NBPF19: variants seen among roughly 807,000 people sequenced by gnomAD.
NBPF19 encodes NBPF member 19, also known as NBPF family member NBPF19.
A neutral mutation model predicts 45.9 loss-of-function variants in NBPF19; 30 were observed. The ratio of observed to expected loss-of-function variants is 0.65; its 90% CI spans 0.49 to 0.89. NBPF19 has a LOEUF of 0.89. Ranked by LOEUF, NBPF19 falls within the 40% of genes least tolerant of loss-of-function variation. The pLI is 0.00. For synonymous variants in NBPF19, 183 were observed against 181.2 expected (o/e 1.01, Z -0.08); for missense variants, 495 against 471.8 (o/e 1.05, Z -0.46).
rs2087209450 is a variant in NBPF19 at position 149,554,867 on chromosome 1, C to T, written c.*129C>T. ...ATGGGTCAGTGGGCATGGCTCTTTT[C>T]CTATTCTCAAACCATGCCAGTGGCA... On this transcript the variant is annotated 3_prime_UTR_variant, in exon 94 of 94. Transcript: ENST00000651566. 1 of 1,508,988 alleles carries T rather than the reference C, an allele frequency of 6.6e-7. No individual in the cohort carries two copies. Among genetic ancestry groups the T allele is most frequent in the Non-Finnish European group, 9.0e-7 (1 of 1,110,958 alleles). 93.5% of individuals were successfully genotyped at this position (1,508,988 alleles called of 1,614,324 possible). A position where few individuals can be genotyped will look rare whatever the true frequency, so the allele number is the denominator to read the frequency against.
At chr1:149,554,381 G>A (rs1215324583) in intron 93 of NBPF19, 114 bp from the exon 94 acceptor site, 12 of 1,586,010 alleles carry the variant, frequency 7.6e-6, no homozygotes, top group Non-Finnish European at 1.0e-5. Flanking sequence ...CCTCATTAAT[G>A]GATCTATCCT....
Position 149,554,929 on chromosome 1 carries a change from G to T in NBPF19, c.*191G>T. The stretch of plus-strand genomic sequence containing the variant: ...GTCTGAAGACAATGGACCCACGTTA[G>T]GTGTGACACGTTCACATAACTGTGC... On this transcript the variant is annotated 3_prime_UTR_variant, in exon 94 of 94. Coordinates refer to ENST00000651566, the MANE Select transcript of NBPF19 (RefSeq NM_001351365.2). 2.1e-6 allele frequency: 2 copies of T among 972,712 alleles called. No homozygotes were observed. The highest frequency in any genetic ancestry group is 2.5e-5 in the East Asian group (1 of 40,714). 60.3% of individuals were successfully genotyped at this position (972,712 alleles called of 1,614,324 possible). A position where few individuals can be genotyped will look rare whatever the true frequency, so the allele number is the denominator to read the frequency against.
Position 149,554,590 on chromosome 1 carries a change from C to G in NBPF19, c.11384C>G (p.Pro3795Arg). 1.2e-6 allele frequency: 2 copies of G among 1,608,306 alleles called. No homozygotes were observed. The highest frequency in any genetic ancestry group is 2.2e-5 in the East Asian group (1 of 44,846). Residue 3795 changes from proline (P) to arginine (R), a missense_variant, in exon 94 of 94, where the codon CCT (proline) becomes CGT (arginine). Physicochemically the swap from Pro to Arg is moderately radical, Grantham distance 103. This residue lies in a region of NBPF19 where 248 missense variants were observed against 95.4 expected (regional missense o/e 2.60). Transcript: ENST00000651566. ...ACTCCGTCAATGTACTTTGAACTAC[C>G]TGACTCATTCCAGCACTACAGAAGT... is the stretch of plus-strand genomic sequence containing the variant. ...YSTPSMYFEL[P>R]DSFQHYRSVF...
intron 9 of NBPF19, among the ~76,000 whole-genome samples, chr1:149,487,680 T>A (rs1329832662): frequency 6.7e-6 from 1 of 150,248 alleles, no homozygotes; most frequent in Non-Finnish European, 1.5e-5. Flanking sequence ...ATGCTTTTCA[T>A]GATCACTGTT....
Position 149,554,939 on chromosome 1 carries a change from G to A in NBPF19, c.*201G>A, listed in dbSNP as rs1294484601. The A allele has an allele frequency of 9.2e-3, 8,271 of 895,810 alleles. 202 individuals are homozygous for A. Among genetic ancestry groups the A allele is most frequent in the Non-Finnish European group, 0.011 (6,721 of 586,378 alleles). The allele number at this position is 895,810 out of a possible 1,614,324, so 55.5% of individuals were successfully genotyped here. ...AATGGACCCACGTTAGGTGTGACAC[G>A]TTCACATAACTGTGCAGCACATGCC... On this transcript the variant is annotated 3_prime_UTR_variant, in exon 94 of 94. Transcript: ENST00000651566.
chr1:149,554,553 G>T lies in NBPF19; in HGVS notation c.11347G>T (p.Gly3783Ter), dbSNP rs1455325732. 6.2e-7 allele frequency: 1 copy of T among 1,607,634 alleles called. No individual in the cohort carries two copies. The highest frequency in any genetic ancestry group is 8.5e-7 in the Non-Finnish European group (1 of 1,176,612). ...TGAAGTCTTACAGGACTCACTGGAT[G>T]GATGTTATTCGACTCCGTCAATGTA... ...EPEVLQDSLDGCYSTPSMYFE... is the reference protein window; with the variant it reads ...EPEVLQDSLD The change falls in exon 94 of 94, where the codon GGA becomes TGA. Residue 3783 changes from glycine to a stop codon, truncating the protein, a stop_gained. Transcript: ENST00000651566. LOFTEE classifies it low-confidence loss of function (END_TRUNC).
In NBPF19 at chr1:149,554,470, T is replaced by A. The variant is rs1188012036; in HGVS notation, c.11289-25T>A. Reference sequence around the variant, plus strand: ...TGGTGTCTGATTTTCCCTGGCTGCTTCTTTAGTTTTGTCTCCTTTTCCAGG... The same window carrying A: ...TGGTGTCTGATTTTCCCTGGCTGCTACTTTAGTTTTGTCTCCTTTTCCAGG... On this transcript the variant is annotated intron_variant, in intron 93 of 93. Transcript: ENST00000651566. 4.4e-6 allele frequency: 7 copies of A among 1,608,014 alleles called. No homozygotes were observed. The African/African-American group carries it at 6.7e-5, about 15-fold the overall frequency.
chr1:149,480,303 CA>C, intron 5 of NBPF19, 89 bp downstream of exon 5: 11 of 647,550 alleles, frequency 1.7e-5, no homozygotes, highest in Middle Eastern at 4.2e-4. Context: ...TATGATGGGC[CA>C]AAAACCCGCA....
chr1:149,488,027 T>G lies in NBPF19; in HGVS notation c.1055T>G (p.Leu352Arg), dbSNP rs2085722159. The change falls in exon 10 of 94, where the codon CTG (leucine) becomes CGG (arginine). Residue 352 changes from leucine to arginine, a missense_variant. Transcript: ENST00000651566. ...EATGPRLSRE[L>R]LDEKGPEVLQ... is the part of the protein sequence containing the mutation. ...CACTTTTCCAGGCTCAGCAGGGAGCTGCTGGATGAGAAAGGGCCTGAAGTC... is the reference window on the plus strand; with the variant it reads ...CACTTTTCCAGGCTCAGCAGGGAGCGGCTGGATGAGAAAGGGCCTGAAGTC... 3 of 688,320 alleles carry G rather than the reference T, an allele frequency of 4.4e-6. No individual in the cohort carries two copies. In the South Asian group the frequency reaches 4.7e-5, roughly 11 times the overall value. The allele number at this position is 688,320 out of a possible 1,614,324, so 42.6% of individuals were successfully genotyped here.
At position 149,554,578 on chromosome 1, in the gene NBPF19, A is replaced by C. The variant is rs1354216106; in HGVS notation, c.11372A>C (p.Tyr3791Ser). 7 of 1,608,206 alleles carry C rather than the reference A, an allele frequency of 4.4e-6. No individual in the cohort carries two copies. In the South Asian group the frequency reaches 6.6e-5, roughly 15 times the overall value. The change falls in exon 94 of 94, where the codon TAC becomes TCC. Residue 3791 changes from tyrosine (Y) to serine (S), a missense_variant. Physicochemically the swap from Tyr to Ser is moderately radical, Grantham distance 144. This residue lies in a region of NBPF19 where 248 missense variants were observed against 95.4 expected (regional missense o/e 2.60). Transcript: ENST00000651566. ...LDGCYSTPSMYFELPDSFQHY... is the reference protein window; with the variant it reads ...LDGCYSTPSMSFELPDSFQHY... ...GGATGTTATTCGACTCCGTCAATGT[A>C]CTTTGAACTACCTGACTCATTCCAG...
chr1:149,487,178 A>T (rs1340709165), intron 8 of NBPF19, among the ~76,000 whole-genome samples, 154 bp from the exon 9 acceptor site: 1 of 151,202 alleles, frequency 6.6e-6, no homozygotes, highest in African/African-American at 2.4e-5. Context: ...AGTTTTCTCA[A>T]GACTTGACCT....
At chr1:149,486,541 T>C (rs2085514932) in intron 8 of NBPF19, among the ~76,000 whole-genome samples, 1 of 151,466 alleles carries the variant, frequency 6.6e-6, no homozygotes, top group Admixed American at 6.6e-5. Context: ...TGTCACGACA[T>C]TGAACTCAAG....
Position 149,475,117 on chromosome 1 carries a change from A to C in NBPF19, c.-714A>C, listed in dbSNP as rs1405397524. ...TAATGAAAACCCAAGAAGGTGCCCCAGTAAGAAAGAGGAAATCAATCTAAC... is the reference window on the plus strand; with the variant it reads ...TAATGAAAACCCAAGAAGGTGCCCCCGTAAGAAAGAGGAAATCAATCTAAC... On this transcript the variant is annotated 5_prime_UTR_variant, in exon 1 of 94. Coordinates refer to ENST00000651566, the MANE Select transcript of NBPF19 (RefSeq NM_001351365.2). Among the ~76,000 whole-genome samples, 1 of 146,324 alleles carries C rather than the reference A, an allele frequency of 6.8e-6. No homozygotes were observed. The highest frequency in any genetic ancestry group is 2.5e-5 in the African/African-American group (1 of 39,838).
At chr1:149,538,431 C>T (rs2087040870) in intron 73 of NBPF19, among the ~76,000 whole-genome samples, 1 of 22,950 alleles carries the variant, frequency 4.4e-5, no homozygotes, top group African/African-American at 1.1e-4. Context: ...TTCTCTCTCT[C>T]TCTCTGTGTG....
intron 73 of NBPF19, among the ~76,000 whole-genome samples, 170 bp from the exon 74 acceptor site, chr1:149,538,506 C>G (rs1319662162): frequency 4.8e-5 from 1 of 20,646 alleles, no homozygotes; most frequent in Non-Finnish European, 1.3e-4. Context: ...TCATTCTTTT[C>G]CATTTGGCCC....
chr1:149,479,142 A>T, intron 4 of NBPF19, 48 bp downstream of exon 4: 1 of 1,535,764 alleles, frequency 6.5e-7, no homozygotes, highest in East Asian at 2.3e-5. Flanking sequence ...GGCTTATGAG[A>T]GGCTCCAGAC....
chr1:149,528,975 G>C (rs1267826276), intron 61 of NBPF19, among the ~76,000 whole-genome samples, 199 bp from the exon 62 acceptor site: 4 of 131,284 alleles, frequency 3.0e-5, no homozygotes, highest in Admixed American at 1.5e-4. Flanking sequence ...GTGTGTGTGT[G>C]TCTATCTGTC....
At position 149,554,952 on chromosome 1, in the gene NBPF19, T is replaced by C. The variant is rs1165062342; in HGVS notation, c.*214T>C. ...TAGGTGTGACACGTTCACATAACTG[T>C]GCAGCACATGCCGGGAGTGATCAGT... On this transcript the variant is annotated 3_prime_UTR_variant, in exon 94 of 94. Coordinates refer to ENST00000651566, the MANE Select transcript of NBPF19 (RefSeq NM_001351365.2). 3 of 808,468 alleles carry C rather than the reference T, an allele frequency of 3.7e-6. No individual in the cohort carries two copies. The highest frequency in any genetic ancestry group is 3.9e-6 in the Non-Finnish European group (2 of 514,782). 50.1% of individuals were successfully genotyped at this position (808,468 alleles called of 1,614,324 possible). A position where few individuals can be genotyped will look rare whatever the true frequency, so the allele number is the denominator to read the frequency against.
At chr1:149,477,704 G>A (rs2084926150) in intron 2 of NBPF19, among the ~76,000 whole-genome samples, 1 of 151,224 alleles carries the variant, frequency 6.6e-6, no homozygotes, top group Non-Finnish European at 1.5e-5. Context: ...CGTTGTGGTT[G>A]AATCATCTTG....
Sources: gnomAD v4.1 joint callset for allele counts (sites outside exome capture counted in the v4.1 genomes callset) on GRCh38, gnomAD v4.1.1 for gene constraint, gnomAD v4.1.1 regional missense constraint, MANE v1.5 for transcripts, NCBI Gene and HGNC (gene_info 2026-07-23, HGNC 2026-07-21) for gene names.